CLUL1: variants seen among roughly 807,000 people sequenced by gnomAD.
CLUL1 encodes the protein clusterin like 1, also known as clusterin-like protein 1.
In CLUL1, 43 loss-of-function variants were observed where a neutral mutation model predicts 49.4. That is an observed-to-expected ratio of 0.87 (90% CI 0.68 to 1.12). CLUL1 has a LOEUF of 1.12. Among genes scored for constraint, CLUL1 ranks in the 50% most tolerant of loss-of-function variants. The pLI, the probability that CLUL1 is intolerant of heterozygous loss-of-function variation, is 0.00. For synonymous variants in CLUL1, 192 were observed against 184.9 expected (o/e 1.04, Z -0.31); for missense variants, 486 against 544.4 (o/e 0.89, Z 1.07).
Position 606,979 on chromosome 18 carries a change from G to T in CLUL1, c.-134G>T. On this transcript the variant is annotated splice_region_variant and 5_prime_UTR_variant, in exon 2 of 10. Transcript: ENST00000692774. The surrounding 1 kb of genome is among the most constrained non-coding windows in gnomAD (Gnocchi z 4.1). Reference sequence around the variant, plus strand: ...TCTTTTTTCTTTTCTTTTCTTTAGAGTTGCGTCCCTCTCGGTTGCCAGGCT... The same window carrying T: ...TCTTTTTTCTTTTCTTTTCTTTAGATTTGCGTCCCTCTCGGTTGCCAGGCT... 1 of 642,760 alleles carries T rather than the reference G, an allele frequency of 1.6e-6. No homozygotes were observed. Among genetic ancestry groups the T allele is most frequent in the Non-Finnish European group, 2.8e-6 (1 of 360,000 alleles). 39.8% of individuals were successfully genotyped at this position (642,760 alleles called of 1,614,324 possible).
chr18:644,721 G>A (rs779324828), intron 8 of CLUL1, among the ~76,000 whole-genome samples, 189 bp from the exon 9 acceptor site: 22 of 152,222 alleles, frequency 1.4e-4, no homozygotes, highest in Non-Finnish European at 2.2e-4. Flanking sequence ...GTTTACTGGT[G>A]TGGAGCCCTT....
At chr18:603,341 A>G (rs1366613516) in intron 1 of CLUL1, among the ~76,000 whole-genome samples, 1 of 152,222 alleles carries the variant, frequency 6.6e-6, no homozygotes, top group Non-Finnish European at 1.5e-5. Flanking sequence ...TTGAGACAGA[A>G]TAGACAAGTC....
chr18:627,933 C>G (rs944566118), intron 6 of CLUL1, among the ~76,000 whole-genome samples: 7 of 152,176 alleles, frequency 4.6e-5, no homozygotes, highest in African/African-American at 1.4e-4. Flanking sequence ...AAGCAATTCT[C>G]CTGCCTCAGC....
rs760242425 is a variant in CLUL1 at position 649,916 on chromosome 18, T to C, written c.*15T>C. The C allele has an allele frequency of 7.5e-7, 1 of 1,335,626 alleles. No homozygotes were observed. The highest frequency in any genetic ancestry group is 1.1e-6 in the Non-Finnish European group (1 of 943,478). The allele number at this position is 1,335,626 out of a possible 1,614,324, so 82.7% of individuals were successfully genotyped here. A position where few individuals can be genotyped will look rare whatever the true frequency, so the allele number is the denominator to read the frequency against. The stretch of plus-strand genomic sequence containing the variant: ...TTTTAAGGTAAGAAGATCTAATGCA[T>C]CCTATATCCAGTAAGTAGAATTATC... On this transcript the variant is annotated 3_prime_UTR_variant, in exon 10 of 10. Coordinates refer to ENST00000692774, the MANE Select transcript of CLUL1 (RefSeq NM_001393344.1).
chr18:624,395 C>T (rs983476581), intron 4 of CLUL1, among the ~76,000 whole-genome samples: 10 of 152,010 alleles, frequency 6.6e-5, no homozygotes, highest in African/African-American at 1.9e-4. Context: ...TACTTTCTTG[C>T]AATGTTTAAG....
At chr18:639,288 G>T (rs1189580547) in intron 7 of CLUL1, among the ~76,000 whole-genome samples, 1 of 151,728 alleles carries the variant, frequency 6.6e-6, no homozygotes, top group Non-Finnish European at 1.5e-5. Context: ...AATATTAGCT[G>T]GTCATGGTGG....
At chr18:625,336 C>T (rs2073650920) in intron 5 of CLUL1, among the ~76,000 whole-genome samples, 1 of 152,102 alleles carries the variant, frequency 6.6e-6, no homozygotes, top group African/African-American at 2.4e-5. Flanking sequence ...GGGATCATAT[C>T]TTATTTGTCT....
intron 5 of CLUL1, among the ~76,000 whole-genome samples, chr18:626,895 G>GAA (rs368547809): frequency 2.9e-3 from 1 of 348 alleles, no homozygotes; most frequent in African/African-American, 3.2e-3. Flanking sequence ...AAGAAAGAAA[G>GAA]AAAGAAAGAA....
intron 9 of CLUL1, among the ~76,000 whole-genome samples, chr18:648,698 C>A (rs1330585864): frequency 6.6e-6 from 1 of 152,018 alleles, no homozygotes; most frequent in Non-Finnish European, 1.5e-5. Flanking sequence ...TCTCTGTTGC[C>A]CAGGCAGGAT....
chr18:604,351 T>C (rs1374694992), intron 1 of CLUL1, among the ~76,000 whole-genome samples: 3 of 152,226 alleles, frequency 2.0e-5, no homozygotes. Flanking sequence ...TTTTGGGCTA[T>C]TATGAACAAA....
chr18:641,888 A>C (rs1366531589), intron 8 of CLUL1, among the ~76,000 whole-genome samples: 2 of 152,316 alleles, frequency 1.3e-5, no homozygotes. Flanking sequence ...TTTGAGTTCA[A>C]AATTTGACTC....
At chr18:610,407 A>G (rs1340029151) in intron 2 of CLUL1, among the ~76,000 whole-genome samples, 1 of 152,080 alleles carries the variant, frequency 6.6e-6, no homozygotes, top group Non-Finnish European at 1.5e-5. Flanking sequence ...ATGATTCCCA[A>G]ATGTCTGGAT....
intron 4 of CLUL1, among the ~76,000 whole-genome samples, chr18:620,081 C>A (rs2073444051): frequency 6.6e-6 from 1 of 152,118 alleles, no homozygotes; most frequent in Non-Finnish European, 1.5e-5. Flanking sequence ...TATGCATATT[C>A]ATTTACTTAT....
At chr18:647,351 G>A (rs577034014) in intron 9 of CLUL1, among the ~76,000 whole-genome samples, 1 of 152,178 alleles carries the variant, frequency 6.6e-6, no homozygotes, top group Admixed American at 6.5e-5. Flanking sequence ...TGCCCTCTGT[G>A]AGTTTGAGTT....
intron 4 of CLUL1, among the ~76,000 whole-genome samples, chr18:624,333 G>A (rs539614430): frequency 6.3e-4 from 95 of 151,768 alleles, no homozygotes; most frequent in African/African-American, 2.2e-3. Flanking sequence ...CCTGCGTCTC[G>A]GCAATTACAA....
chr18:644,944 A>C lies in CLUL1; in HGVS notation c.1244A>C (p.Lys415Thr). ...VPRIHEGNIS[K>T]QDETMMTDLS... ...AGGATTCATGAAGGAAATATTTCCA[A>C]ACAAGATGAAACAATGATGACAGAC... The change falls in exon 9 of 10, where the codon AAA becomes ACA. Residue 415 changes from lysine to threonine, a missense_variant. Transcript: ENST00000692774. 1 of 1,613,246 alleles carries C rather than the reference A, an allele frequency of 6.2e-7. No individual in the cohort carries two copies. Among genetic ancestry groups the C allele is most frequent in the Non-Finnish European group, 8.5e-7 (1 of 1,179,628 alleles).
intron 1 of CLUL1, among the ~76,000 whole-genome samples, chr18:600,918 C>G (rs962783700): frequency 6.6e-6 from 1 of 152,164 alleles, no homozygotes; most frequent in Non-Finnish European, 1.5e-5. Flanking sequence ...CTAACTGTCC[C>G]TGTTTACCCA....
In CLUL1 at chr18:641,470, G is replaced by A. The variant is rs1313332495; in HGVS notation, c.1138G>A (p.Gly380Arg). 3 of 1,614,090 alleles carry A rather than the reference G, an allele frequency of 1.9e-6. No homozygotes were observed. The highest frequency in any genetic ancestry group is 2.7e-5 in the African/African-American group (2 of 74,924). ...DTAYLVEKMRGQFGWVSELAN... is the reference protein window; with the variant it reads ...DTAYLVEKMRRQFGWVSELAN... ...CGCCTATCTGGTGGAGAAGATGAGA[G>A]GGCAATTTGGCTGGGTGTCTGAACT... Residue 380 changes from glycine (G) to arginine (R), a missense_variant, in exon 8 of 10, where the codon GGG becomes AGG. By Grantham distance (125) the Gly-to-Arg change is moderately radical. Transcript: ENST00000692774.
chr18:601,271 G>A (rs1044882094), intron 1 of CLUL1, among the ~76,000 whole-genome samples: 1 of 152,116 alleles, frequency 6.6e-6, no homozygotes, highest in Non-Finnish European at 1.5e-5. Context: ...GGAGATATTA[G>A]CCTGAACTCA....
Sources: allele counts gnomAD v4.1 joint callset (sites outside exome capture counted in the v4.1 genomes callset), GRCh38; gene constraint gnomAD v4.1.1; non-coding constraint Gnocchi (gnomAD v3.1); transcripts MANE v1.5; gene names NCBI Gene and HGNC (gene_info 2026-07-23, HGNC 2026-07-21).